WWC2: variants seen among roughly 807,000 people sequenced by gnomAD.
The protein encoded by WWC2 is WW and C2 domain containing 2.
WWC2 carries 101 observed loss-of-function variants against 138.5 expected under a neutral mutation model. The observed-to-expected ratio is 0.73, with a 90% CI of 0.62 to 0.86. WWC2 has a LOEUF of 0.86. Among genes scored for constraint, WWC2 ranks in the 40% least tolerant of loss-of-function variants. WWC2 has a pLI of 0.00. For synonymous variants in WWC2, 558 were observed against 538.4 expected, an observed-to-expected ratio of 1.04 and a Z score of -0.50; for missense variants, 1,420 against 1,419.4, an observed-to-expected ratio of 1.00 and a Z score of -0.01.
At chr4:183,222,107 A>G (rs990218647) in intron 4 of WWC2, among the ~76,000 whole-genome samples, 1 of 152,206 alleles carries the variant, frequency 6.6e-6, no homozygotes, top group Admixed American at 6.5e-5. Context: ...AAAAACAGTG[A>G]AAGTTTAGTG....
chr4:183,262,102 ACT>A (rs1244294324), intron 11 of WWC2, among the ~76,000 whole-genome samples: 2 of 152,258 alleles, frequency 1.3e-5, no homozygotes, highest in African/African-American at 4.8e-5. Flanking sequence ...GGAAGGGATT[ACT>A]AGAGATTGTA....
At chr4:183,307,492 G>GA (rs1192631569) in intron 21 of WWC2, among the ~76,000 whole-genome samples, 27 of 152,202 alleles carry the variant, frequency 1.8e-4, no homozygotes, top group Admixed American at 1.8e-3. Flanking sequence ...CAAAGACAAG[G>GA]AAACTACAGC....
At chr4:183,294,459 C>G (rs920323382) in intron 21 of WWC2, among the ~76,000 whole-genome samples, 3 of 152,192 alleles carry the variant, frequency 2.0e-5, no homozygotes, top group African/African-American at 7.2e-5. Context: ...ATACAGAGCT[C>G]TCTAGAAACA....
intron 5 of WWC2, among the ~76,000 whole-genome samples, 182 bp from the exon 6 acceptor site, chr4:183,245,225 TAAAAAAAAA>T (rs746541290): frequency 0.01 from 708 of 69,500 alleles, 4 homozygotes; most frequent in Middle Eastern, 0.046. Flanking sequence ...AGACTCCATC[TAAAAAAAAA>T]AAAAAAAAAA....
intron 1 of WWC2, among the ~76,000 whole-genome samples, chr4:183,136,725 AT>A (rs1486005380): frequency 6.6e-6 from 1 of 152,178 alleles, no homozygotes; most frequent in Non-Finnish European, 1.5e-5. Context: ...ATTATGAGAT[AT>A]TTTTGCAAAA....
At chr4:183,219,589 T>C (rs538348291) in intron 4 of WWC2, among the ~76,000 whole-genome samples, 7 of 152,184 alleles carry the variant, frequency 4.6e-5, no homozygotes, top group Non-Finnish European at 8.8e-5. Flanking sequence ...GTGAGGTTTA[T>C]AAAATATTTA....
At chr4:183,258,614 T>C (rs992432859) in intron 9 of WWC2, among the ~76,000 whole-genome samples, 3 of 152,204 alleles carry the variant, frequency 2.0e-5, no homozygotes, top group Admixed American at 2.0e-4. Flanking sequence ...TTCTTCTCTG[T>C]CAAGCACTTT....
rs1738131912 is a variant in WWC2 at position 183,283,013 on chromosome 4, G to A, written c.2883+107G>A. 6.5e-6 allele frequency: 8 copies of A among 1,228,794 alleles called. No individual in the cohort carries two copies. The South Asian group carries it at 1.5e-4, about 22-fold the overall frequency. The allele number at this position is 1,228,794 out of a possible 1,614,324, so 76.1% of individuals were successfully genotyped here. A position where few individuals can be genotyped will look rare whatever the true frequency, so the allele number is the denominator to read the frequency against. On this transcript the variant is annotated intron_variant, in intron 18 of 22. Transcript: ENST00000403733. ...GGTGTAAATTCCATGTCAGGATTTT[G>A]TGCCAAAAGCTGATCGTGAAAGGCA...
At chr4:183,253,132 G>A (rs958545210) in intron 8 of WWC2, among the ~76,000 whole-genome samples, 3 of 152,076 alleles carry the variant, frequency 2.0e-5, no homozygotes, top group Non-Finnish European at 4.4e-5. Context: ...CGTGCTGCTT[G>A]TCCTCCCAAA....
chr4:183,288,223 T>C (rs1050562204), intron 20 of WWC2, among the ~76,000 whole-genome samples: 3 of 152,154 alleles, frequency 2.0e-5, no homozygotes, highest in African/African-American at 2.4e-5. Context: ...ATAAGAGTGA[T>C]TCTGACTTGG....
intron 8 of WWC2, 83 bp downstream of exon 8, chr4:183,250,076 T>C: frequency 7.9e-7 from 1 of 1,267,282 alleles, no homozygotes; most frequent in Non-Finnish European, 1.1e-6. Flanking sequence ...TGACATCTGC[T>C]GGGCACTCCC....
intron 1 of WWC2, among the ~76,000 whole-genome samples, chr4:183,191,681 A>T (rs554721941): frequency 1.3e-5 from 2 of 152,216 alleles, no homozygotes; most frequent in South Asian, 2.1e-4. Flanking sequence ...TTCTGATTCT[A>T]CAATAGGGCT....
At chr4:183,135,611 ATGTTTTATGTAGTATGTT>A (rs1733086138) in intron 1 of WWC2, among the ~76,000 whole-genome samples, 1 of 152,064 alleles carries the variant, frequency 6.6e-6, no homozygotes, top group Non-Finnish European at 1.5e-5. Context: ...AAGAGCATTA[ATGTTTTATGTAGTATGTT>A]TGTTTAATTC....
At chr4:183,276,882 A>G (rs906120319) in intron 16 of WWC2, among the ~76,000 whole-genome samples, 1 of 152,094 alleles carries the variant, frequency 6.6e-6, no homozygotes, top group Non-Finnish European at 1.5e-5. Context: ...ACGTATTAAA[A>G]ATACCATTTT....
chr4:183,112,228 A>G (rs1370539736), intron 1 of WWC2, among the ~76,000 whole-genome samples: 1 of 152,230 alleles, frequency 6.6e-6, no homozygotes, highest in African/African-American at 2.4e-5. Context: ...GTATGCCTGT[A>G]GAACGTATGT....
At chr4:183,294,812 GT>G (rs1738580226) in intron 21 of WWC2, among the ~76,000 whole-genome samples, 2 of 151,806 alleles carry the variant, frequency 1.3e-5, no homozygotes, top group South Asian at 4.2e-4. Flanking sequence ...TTTTACTGTT[GT>G]TGATGAATGG....
chr4:183,306,881 C>CAAAAAAAAAAAAAAAAAAA (rs55750701), intron 21 of WWC2, among the ~76,000 whole-genome samples: 2 of 85,114 alleles, frequency 2.3e-5, no homozygotes, highest in Non-Finnish European at 4.5e-5. Flanking sequence ...ATATATGAGG[C>CAAAAAAAAAAAAAAAAAAA]AAAAAAAAAA....
At chr4:183,294,760 GTT>G (rs5864825) in intron 21 of WWC2, among the ~76,000 whole-genome samples, 2,420 of 151,038 alleles carry the variant, frequency 0.016, 61 homozygotes, top group African/African-American at 0.056. Flanking sequence ...TTTCCTGAGT[GTT>G]TTTTTTTTAT....
intron 4 of WWC2, among the ~76,000 whole-genome samples, chr4:183,228,599 A>G (rs936037866): frequency 6.6e-6 from 1 of 152,148 alleles, no homozygotes; most frequent in African/African-American, 2.4e-5. Context: ...TGAATTTGTT[A>G]GAAATTCATT....
Sources: gnomAD v4.1 joint callset for allele counts (sites outside exome capture counted in the v4.1 genomes callset) on GRCh38, gnomAD v4.1.1 for gene constraint, MANE v1.5 for transcripts, NCBI Gene and HGNC (gene_info 2026-07-23, HGNC 2026-07-21) for gene names.